Variants in DAB1 observed in about 807,000 individuals in gnomAD.
DAB1 encodes the protein disabled homolog 1.
A neutral mutation model predicts 64.6 loss-of-function variants in DAB1; 15 were observed. That is an observed-to-expected ratio of 0.23 (90% confidence interval 0.16 to 0.36). The LOEUF (loss-of-function observed/expected upper bound fraction) is 0.36, where lower values mean the gene tolerates loss of function less well. Among genes scored for constraint, DAB1 ranks in the 10% least tolerant of loss-of-function variants. The pLI, the probability that DAB1 is intolerant of heterozygous loss-of-function variation, is 1.00. For missense variants in DAB1, 596 were observed against 706.7 expected (o/e 0.84, Z 1.78); for synonymous variants, 235 against 251.9 (o/e 0.93, Z 0.64).
chr1:57,922,258 C>T (rs1644818781), intron 5 of DAB1, among the ~76,000 whole-genome samples: 1 of 151,426 alleles, frequency 6.6e-6, no homozygotes, highest in African/African-American at 2.4e-5. Context: ...CCAGTACAGG[C>T]CTGCCATTAA....
At chr1:58,307,638 A>T (rs1662336528) in intron 4 of DAB1, among the ~76,000 whole-genome samples, 1 of 152,134 alleles carries the variant, frequency 6.6e-6, no homozygotes, top group South Asian at 2.1e-4. Context: ...GCCAGAGCTA[A>T]GTCTTGGAAG....
intron 3 of DAB1, among the ~76,000 whole-genome samples, chr1:58,449,320 T>C (rs1305287108): frequency 6.6e-6 from 1 of 152,206 alleles, no homozygotes; most frequent in East Asian, 1.9e-4. Context: ...TGACCCTTTT[T>C]CAGACGCAGC....
At position 57,906,950 on chromosome 1, in the gene DAB1, AG is replaced by A. The variant is rs1367749137; in HGVS notation, n.388-22789del. Among the ~76,000 whole-genome samples, 10 of 134,490 alleles carry A rather than the reference AG, an allele frequency of 7.4e-5. No homozygotes were observed. The East Asian group carries it at 2.0e-3, about 27-fold the overall frequency. 88.2% of individuals were successfully genotyped at this position (134,490 alleles called of 152,430 possible). A position where few individuals can be genotyped will look rare whatever the true frequency, so the allele number is the denominator to read the frequency against. ...GAATATAATATGCAGATAGATAGAT[AG>A]ATAGATAGATAGATAGATAGATAGA... On this transcript the variant is annotated intron_variant and non_coding_transcript_variant, in intron 5 of 20. Coordinates refer to the DAB1 transcript ENST00000485760.
At chr1:58,069,554 A>G (rs1475543395) in intron 5 of DAB1, among the ~76,000 whole-genome samples, 1 of 152,158 alleles carries the variant, frequency 6.6e-6, no homozygotes. Context: ...AGGCCCAGAG[A>G]GGTTAATTAA....
chr1:58,390,397 G>C (rs1180410112), intron 3 of DAB1, among the ~76,000 whole-genome samples: 1 of 152,186 alleles, frequency 6.6e-6, no homozygotes, highest in East Asian at 1.9e-4. Flanking sequence ...TAGAAGGGAG[G>C]GGAAGGTGAA....
intron 4 of DAB1, among the ~76,000 whole-genome samples, chr1:58,314,443 TG>T (rs1334973592): frequency 6.6e-6 from 1 of 152,204 alleles, no homozygotes; most frequent in African/African-American, 2.4e-5. Flanking sequence ...CTCTGGTTTT[TG>T]CGCCCTCTTT....
rs1463909062 is a variant in DAB1, at chr1:57,010,748, C to T, written c.1615G>A (p.Glu539Lys). ...QASSNSDPFG[E>K]PSGEPSGDNI... ...TCACCACTGGGCTCCCCACTGGGCTCACCAAATGGATCACTGTTGGATGAG... is the reference window on the plus strand; with the variant it reads ...TCACCACTGGGCTCCCCACTGGGCTTACCAAATGGATCACTGTTGGATGAG... Residue 539 changes from glutamate (E) to lysine (K), a missense_variant, in exon 14 of 15, where the codon GAG (glutamate) becomes AAG (lysine). Transcript: ENST00000371236. 1.0e-5 allele frequency: 16 copies of T among 1,598,494 alleles called. No individual in the cohort carries two copies. Among genetic ancestry groups the T allele is most frequent in the East Asian group, 2.3e-5 (1 of 44,396 alleles).
At position 57,944,402 on chromosome 1, in the gene DAB1, C is replaced by A. The variant is rs141120237; in HGVS notation, n.388-60240G>T. Among the ~76,000 whole-genome samples the A allele has an allele frequency of 1.2e-4, 19 of 152,268 alleles. No homozygotes were observed. In the East Asian group the frequency reaches 2.3e-3, roughly 19 times the overall value. On this transcript the variant is annotated intron_variant and non_coding_transcript_variant, in intron 5 of 20. Coordinates refer to the DAB1 transcript ENST00000485760. ...TCAGCACTTACTTAGTCCACCCCCA[C>A]GTTACTGCACTATCCACAGGCCTGC...
intron 7 of DAB1, among the ~76,000 whole-genome samples, chr1:57,571,061 G>A (rs1645188415): frequency 6.6e-6 from 1 of 152,186 alleles, no homozygotes; most frequent in South Asian, 2.1e-4. Flanking sequence ...ATTTTATCCT[G>A]AAACATTGCT....
intron 3 of DAB1, chr1:58,481,244 C>A: frequency 1.9e-6 from 1 of 525,286 alleles, no homozygotes; most frequent in Non-Finnish European, 3.3e-6. Flanking sequence ...TTTCAGTAAT[C>A]CCTAATATGC....
chr1:57,302,597 AT>A lies in DAB1; in HGVS notation c.-136-11432del, dbSNP rs531654799. On this transcript the variant is annotated intron_variant, in intron 1 of 14. Transcript: ENST00000371236. ...TTTGAGGTGCAACATGGGCACTGGG[AT>A]TTTTTTTTTTATTTTATGTTTTAGA... 4.3e-4 allele frequency among the ~76,000 whole-genome samples: 64 copies of A among 148,044 alleles called. No individual in the cohort carries two copies. The South Asian group carries it at 6.3e-3, about 15-fold the overall frequency.
At chr1:57,439,425 C>CTTTTTTTTTTT (rs71051230) in intron 7 of DAB1, among the ~76,000 whole-genome samples, 1 of 97,984 alleles carries the variant, frequency 1.0e-5, no homozygotes, top group Non-Finnish European at 1.9e-5. Flanking sequence ...GAGGTTTTTT[C>CTTTTTTTTTTT]TTTTTTTTTT....
chr1:58,042,558 C>G (rs1042777597), intron 5 of DAB1, among the ~76,000 whole-genome samples: 1 of 152,110 alleles, frequency 6.6e-6, no homozygotes, highest in Non-Finnish European at 1.5e-5. Context: ...ATATGCATGG[C>G]GCATTGAAAA....
chr1:56,996,270 A>G lies in DAB1; in HGVS notation c.*1874T>C, dbSNP rs1174211686. On this transcript the variant is annotated 3_prime_UTR_variant, in exon 15 of 15. Coordinates refer to ENST00000371236, the MANE Select transcript of DAB1 (RefSeq NM_001365792.1). The stretch of plus-strand genomic sequence containing the variant: ...TCTACTTTTCAAATCTAAAAACCAA[A>G]TAATAATAATTATCCTCAAATCCAA... The G allele has an allele frequency of 6.6e-6, 1 of 152,236 alleles. No individual in the cohort carries two copies. The highest frequency in any genetic ancestry group is 6.5e-5 in the Admixed American group (1 of 15,290). 9.4% of individuals were successfully genotyped at this position (152,236 alleles called of 1,614,324 possible). A position where few individuals can be genotyped will look rare whatever the true frequency, so the allele number is the denominator to read the frequency against.
intron 6 of DAB1, among the ~76,000 whole-genome samples, chr1:57,657,632 T>C (rs1036511875): frequency 1.3e-5 from 2 of 152,226 alleles, no homozygotes; most frequent in Admixed American, 6.5e-5. Context: ...TGGAGGCATC[T>C]AGAAGTTAGT....
At chr1:57,374,921 T>C (rs1389966948) in intron 1 of DAB1, among the ~76,000 whole-genome samples, 1 of 152,192 alleles carries the variant, frequency 6.6e-6, no homozygotes, top group Non-Finnish European at 1.5e-5. Context: ...ACCTAAATTT[T>C]CATAAGGTGC....
chr1:57,710,482 A>G (rs146247227), intron 6 of DAB1, among the ~76,000 whole-genome samples: 1 of 152,284 alleles, frequency 6.6e-6, no homozygotes, highest in African/African-American at 2.4e-5. Context: ...AGTCTTTTAT[A>G]CAGTCAGGCC....
chr1:58,473,569 T>A (rs1008620161), intron 3 of DAB1, among the ~76,000 whole-genome samples: 5 of 150,568 alleles, frequency 3.3e-5, no homozygotes, highest in African/African-American at 1.2e-4. Context: ...AATAAATAAA[T>A]AAATAAATAA....
At chr1:57,072,755 G>T (rs12565535) in intron 4 of DAB1, among the ~76,000 whole-genome samples, 32,637 of 152,138 alleles carry the variant, frequency 0.21, 3,976 homozygotes, top group East Asian at 0.48. Context: ...CCAACTTTTG[G>T]ATTGATATTT....
Sources: gnomAD v4.1 joint callset for allele counts (sites outside exome capture counted in the v4.1 genomes callset) on GRCh38, gnomAD v4.1.1 for gene constraint, MANE v1.5 for transcripts, NCBI Gene and HGNC (gene_info 2026-07-23, HGNC 2026-07-21) for gene names.